MYO16: variants seen among roughly 807,000 people sequenced by gnomAD.
MYO16 encodes myosin XVI, also known as unconventional myosin-XVI.
MYO16 carries 94 observed loss-of-function variants against 205.3 expected under a neutral mutation model. The ratio of observed to expected loss-of-function variants is 0.46; its 90% CI spans 0.39 to 0.54. MYO16 has a LOEUF of 0.54. Among genes scored for constraint, MYO16 ranks in the 20% least tolerant of loss-of-function variants. The probability of loss-of-function intolerance (pLI) is 0.00; values close to 1 mark genes in which losing one functional copy is unlikely to be tolerated. For missense variants in MYO16, 2,315 were observed against 2,387.5 expected, an observed-to-expected ratio of 0.97 and a Z score of 0.63; for synonymous variants, 988 against 954.0, an observed-to-expected ratio of 1.04 and a Z score of -0.66.
chr13:108,992,141 G>A (rs422678), intron 20 of MYO16, among the ~76,000 whole-genome samples: 2,432 of 152,152 alleles, frequency 0.016, 73 homozygotes, highest in African/African-American at 0.056. Flanking sequence ...TTTACAAGAC[G>A]ATGTGTTTTT....
intron 2 of MYO16, among the ~76,000 whole-genome samples, chr13:108,682,316 A>G (rs182232206): frequency 1.3e-5 from 2 of 152,210 alleles, no homozygotes; most frequent in East Asian, 1.9e-4. Flanking sequence ...TTTTCTGCCT[A>G]TTGTGAGCAG....
At chr13:108,550,205 T>C in the MYO16 span, among the ~76,000 whole-genome samples, 1 of 152,266 alleles carries the variant, frequency 6.6e-6, no homozygotes. Flanking sequence ...TCGACACAGC[T>C]GCTGGGGGTG....
intron 16 of MYO16, among the ~76,000 whole-genome samples, chr13:108,930,087 A>G (rs1229077363): frequency 6.6e-6 from 1 of 152,234 alleles, no homozygotes; most frequent in African/African-American, 2.4e-5. Context: ...GTACACATAT[A>G]ATGTGAAAAC....
Position 109,127,585 on chromosome 13 carries a change from G to C in MYO16, c.4051+35G>C, listed in dbSNP as rs977492585. 7.5e-6 allele frequency: 12 copies of C among 1,595,836 alleles called. No individual in the cohort carries two copies. The highest frequency in any genetic ancestry group is 1.3e-5 in the African/African-American group (1 of 74,746). ...GGGGAGGGACCCAGCCTCGTGTTCC[G>C]GGCTCGCGCATGCTCTGACTTCGCC... On this transcript the variant is annotated intron_variant, in intron 31 of 34. Coordinates refer to ENST00000457511, the MANE Select transcript of MYO16 (RefSeq NM_001198950.3). This position sits in a 1 kb window ranked among gnomAD's most constrained non-coding sequence, Gnocchi z 4.2.
chr13:108,763,943 G>A (rs1456672379), intron 4 of MYO16, among the ~76,000 whole-genome samples: 2 of 149,564 alleles, frequency 1.3e-5, no homozygotes, highest in South Asian at 2.2e-4. Context: ...GAGATTTTTC[G>A]AGAAAAAGGC....
At chr13:109,040,383 CACAGAGAG>C (rs1566476418) in intron 23 of MYO16, among the ~76,000 whole-genome samples, 1 of 70,074 alleles carries the variant, frequency 1.4e-5, no homozygotes, top group African/African-American at 5.2e-5. Context: ...CACACACACA[CACAGAGAG>C]AGAGAGAGAG....
At chr13:109,045,091 A>G (rs184082083) in intron 23 of MYO16, among the ~76,000 whole-genome samples, 16 of 152,328 alleles carry the variant, frequency 1.1e-4, no homozygotes, top group African/African-American at 3.1e-4. Context: ...ACATTGAATG[A>G]CTTGCCTAAT....
In MYO16 at chr13:109,033,204, C is replaced by T. The variant is rs549964105; in HGVS notation, c.2796+13293C>T. ...TGTTTTCACCCTTTGCCCAGGGCTCCGTTTCCTCTCGTCTCTCTGTTCTGT... is the reference window on the plus strand; with the variant it reads ...TGTTTTCACCCTTTGCCCAGGGCTCTGTTTCCTCTCGTCTCTCTGTTCTGT... On this transcript the variant is annotated intron_variant, in intron 23 of 34. Transcript: ENST00000457511. Among the ~76,000 whole-genome samples the T allele has an allele frequency of 2.4e-4, 36 of 152,054 alleles. 1 individual carries two copies. The highest frequency in any genetic ancestry group is 4.6e-4 in the Non-Finnish European group (31 of 68,016).
intron 27 of MYO16, among the ~76,000 whole-genome samples, chr13:109,073,784 T>TA (rs1566492871): frequency 6.6e-6 from 1 of 152,240 alleles, no homozygotes; most frequent in South Asian, 2.1e-4. Flanking sequence ...ATCCAGAATG[T>TA]AGCACTTATC....
the MYO16 span, among the ~76,000 whole-genome samples, chr13:108,567,926 A>G: frequency 6.6e-6 from 1 of 152,216 alleles, no homozygotes; most frequent in Non-Finnish European, 1.5e-5. Context: ...TTCCTCACCT[A>G]TACTGAACAT....
intron 6 of MYO16, among the ~76,000 whole-genome samples, chr13:108,804,143 C>G (rs1887045007): frequency 6.6e-6 from 1 of 152,096 alleles, no homozygotes; most frequent in Admixed American, 6.6e-5. Flanking sequence ...CACTGCTTCT[C>G]CATCTGCAAA....
intron 34 of MYO16, among the ~76,000 whole-genome samples, chr13:109,194,330 C>T (rs1054075940): frequency 2.0e-5 from 3 of 152,118 alleles, no homozygotes; most frequent in African/African-American, 7.2e-5. Flanking sequence ...ACTGACTAAA[C>T]TCAATTGTAC....
intron 1 of MYO16, among the ~76,000 whole-genome samples, chr13:108,613,178 AAAAG>A (rs1479307781): frequency 6.6e-6 from 1 of 152,200 alleles, no homozygotes; most frequent in Non-Finnish European, 1.5e-5. Flanking sequence ...TAAAATATAA[AAAAG>A]AATTGATTTC....
chr13:108,712,513 T>G, intron 2 of MYO16, 148 bp from the exon 3 acceptor site: 1 of 698,788 alleles, frequency 1.4e-6, no homozygotes, highest in Non-Finnish European at 2.6e-6. Context: ...CCAATCATCA[T>G]AATAAATAGG....
intron 1 of MYO16, among the ~76,000 whole-genome samples, chr13:108,597,427 A>T (rs1158844356): frequency 6.6e-6 from 1 of 151,990 alleles, no homozygotes; most frequent in African/African-American, 2.4e-5. Flanking sequence ...TTTTTTTTAG[A>T]TGTTGTCTTA....
chr13:109,140,846 A>G lies in MYO16; in HGVS notation c.4634A>G (p.Glu1545Gly). The G allele has an allele frequency of 6.3e-7, 1 of 1,596,722 alleles. No individual in the cohort carries two copies. Among genetic ancestry groups the G allele is most frequent in the Non-Finnish European group, 8.5e-7 (1 of 1,173,454 alleles). ...PLEVKKLPVL[E>G]TNLKYPVQPE... is the part of the protein sequence containing the mutation. ...GAGGTGAAGAAGCTGCCAGTCCTGG[A>G]GACCAACCTCAAGTACCCCGTGCAG... Residue 1545 changes from glutamate to glycine, a missense_variant, in exon 32 of 35, where the codon GAG becomes GGG. Around this residue, in one of 3 missense-constraint regions of MYO16, gnomAD observed 1,097 missense variants for 1,092.0 expected, o/e 1.00. Transcript: ENST00000457511. The surrounding 1 kb of genome is among the most constrained non-coding windows in gnomAD (Gnocchi z 8.0).
the MYO16 span, among the ~76,000 whole-genome samples, chr13:108,551,619 A>C: frequency 6.6e-6 from 1 of 152,092 alleles, no homozygotes; most frequent in Non-Finnish European, 1.5e-5. Context: ...ATTATTCCAA[A>C]CATGATCATA....
chr13:108,788,132 T>C (rs1359875280), intron 5 of MYO16, among the ~76,000 whole-genome samples: 1 of 152,190 alleles, frequency 6.6e-6, no homozygotes, highest in African/African-American at 2.4e-5. Flanking sequence ...TTTTGCGTTG[T>C]GCAGTTTCGC....
chr13:109,047,783 A>G (rs934557490), intron 24 of MYO16, among the ~76,000 whole-genome samples: 1 of 152,126 alleles, frequency 6.6e-6, no homozygotes, highest in South Asian at 2.1e-4. Flanking sequence ...TTCGTGAAAT[A>G]GTTGAATGCT....
Sources: allele counts gnomAD v4.1 joint callset (sites outside exome capture counted in the v4.1 genomes callset), GRCh38; gene constraint gnomAD v4.1.1; regional missense constraint gnomAD v4.1.1; non-coding constraint Gnocchi (gnomAD v3.1); transcripts MANE v1.5; gene names NCBI Gene and HGNC (gene_info 2026-07-23, HGNC 2026-07-21).